The following KCNAB1 variants were observed in gnomAD, a reference collection of about 807,000 sequenced individuals.
The protein encoded by KCNAB1 is potassium voltage-gated channel subfamily A regulatory beta subunit 1.
In KCNAB1, 35 loss-of-function variants were observed where a neutral mutation model predicts 64.6. That is an observed-to-expected ratio of 0.54 (90% confidence interval 0.41 to 0.72). The LOEUF (loss-of-function observed/expected upper bound fraction) is 0.72. Ranked by LOEUF, KCNAB1 falls within the 30% of genes least tolerant of loss-of-function variation. The pLI, the probability that KCNAB1 is intolerant of heterozygous loss-of-function variation, is 0.00. For synonymous variants in KCNAB1, 177 were observed against 183.8 expected (o/e 0.96, Z 0.30); for missense variants, 401 against 512.9 (o/e 0.78, Z 2.11).
At chr3:156,391,677 G>A (rs1342319738) in intron 1 of KCNAB1, among the ~76,000 whole-genome samples, 1 of 152,160 alleles carries the variant, frequency 6.6e-6, no homozygotes, top group East Asian at 1.9e-4. Flanking sequence ...AAAATAAAAC[G>A]AAGTAGAAAG....
At chr3:156,168,315 T>A (rs1711738091) in intron 1 of KCNAB1, among the ~76,000 whole-genome samples, 1 of 152,144 alleles carries the variant, frequency 6.6e-6, no homozygotes, top group Non-Finnish European at 1.5e-5. Context: ...AATTGTATGG[T>A]ACACCAGTAA....
chr3:156,132,778 C>T (rs1197878115), intron 1 of KCNAB1, among the ~76,000 whole-genome samples: 1 of 152,150 alleles, frequency 6.6e-6, no homozygotes, highest in Non-Finnish European at 1.5e-5. Flanking sequence ...AATGTACCTC[C>T]AGGATTCATA....
intron 1 of KCNAB1, among the ~76,000 whole-genome samples, chr3:156,222,093 T>C (rs1240304971): frequency 6.6e-6 from 1 of 152,128 alleles, no homozygotes; most frequent in African/African-American, 2.4e-5. Flanking sequence ...CAACATTGAA[T>C]GTAAATGGCC....
intron 3 of KCNAB1, among the ~76,000 whole-genome samples, chr3:156,454,515 A>T (rs1195360998): frequency 2.6e-5 from 4 of 152,212 alleles, no homozygotes; most frequent in Non-Finnish European, 5.9e-5. Context: ...TGATGGCAGC[A>T]TTCCTAGCAG....
intron 11 of KCNAB1, among the ~76,000 whole-genome samples, chr3:156,520,745 C>T (rs558223548): frequency 6.6e-6 from 1 of 152,290 alleles, no homozygotes; most frequent in South Asian, 2.1e-4. Context: ...GGCAAGTTTT[C>T]GGCTCTAGCA....
intron 2 of KCNAB1, among the ~76,000 whole-genome samples, chr3:156,424,563 A>G (rs1160588983): frequency 2.6e-5 from 4 of 152,112 alleles, no homozygotes; most frequent in Admixed American, 2.6e-4. Context: ...ATTGAAAGGA[A>G]CTACCTATTA....
chr3:156,415,404 C>A (rs1426568174), intron 1 of KCNAB1, among the ~76,000 whole-genome samples: 1 of 152,176 alleles, frequency 6.6e-6, no homozygotes, highest in Admixed American at 6.5e-5. Context: ...AGCCAAGCAA[C>A]CTGCCCAAGG....
chr3:156,171,308 A>G (rs1212401323), intron 1 of KCNAB1, among the ~76,000 whole-genome samples: 3 of 152,078 alleles, frequency 2.0e-5, no homozygotes, highest in Non-Finnish European at 4.4e-5. Flanking sequence ...AATAGTCTAT[A>G]TTGGTTTCTC....
intron 1 of KCNAB1, among the ~76,000 whole-genome samples, chr3:156,126,586 AG>A (rs1276003464): frequency 1.3e-5 from 2 of 152,100 alleles, no homozygotes; most frequent in Non-Finnish European, 2.9e-5. Flanking sequence ...GTGATGAAAA[AG>A]CTCTGGAGTC....
chr3:156,126,855 A>G (rs1713687512), intron 1 of KCNAB1, among the ~76,000 whole-genome samples: 1 of 152,272 alleles, frequency 6.6e-6, no homozygotes, highest in Admixed American at 6.5e-5. Flanking sequence ...TAGCTCACAG[A>G]ACAGCAGTGG....
intron 1 of KCNAB1, among the ~76,000 whole-genome samples, chr3:156,311,746 T>C (rs1280864902): frequency 6.6e-6 from 1 of 152,156 alleles, no homozygotes; most frequent in Non-Finnish European, 1.5e-5. Flanking sequence ...AAGGTGCTCC[T>C]TAGGAAGTTA....
chr3:156,332,737 C>G (rs1466850372), intron 1 of KCNAB1, among the ~76,000 whole-genome samples: 1 of 152,036 alleles, frequency 6.6e-6, no homozygotes, highest in East Asian at 1.9e-4. Flanking sequence ...TGATACAAAC[C>G]CATTGGGTAA....
chr3:156,226,222 T>C (rs1408226142), intron 1 of KCNAB1, among the ~76,000 whole-genome samples: 5 of 152,160 alleles, frequency 3.3e-5, no homozygotes, highest in Admixed American at 2.6e-4. Context: ...AATTGGCACA[T>C]AGACCAGTGG....
intron 1 of KCNAB1, among the ~76,000 whole-genome samples, chr3:156,126,968 C>T (rs933222987): frequency 1.3e-5 from 2 of 152,272 alleles, no homozygotes; most frequent in East Asian, 1.9e-4. Flanking sequence ...TTGGAGATGC[C>T]AAAAGTAGGG....
At chr3:156,231,424 C>T (rs1716514424) in intron 1 of KCNAB1, among the ~76,000 whole-genome samples, 1 of 151,992 alleles carries the variant, frequency 6.6e-6, no homozygotes, top group Non-Finnish European at 1.5e-5. Context: ...AATTGCCCTA[C>T]AAAATCTCTT....
chr3:156,209,727 G>A (rs1560137642), intron 1 of KCNAB1, among the ~76,000 whole-genome samples: 1 of 152,196 alleles, frequency 6.6e-6, no homozygotes, highest in Non-Finnish European at 1.5e-5. Context: ...TGACAAACAT[G>A]CTCAATATTG....
chr3:156,224,213 G>A (rs375775026), intron 1 of KCNAB1, among the ~76,000 whole-genome samples: 25 of 152,226 alleles, frequency 1.6e-4, no homozygotes, highest in Middle Eastern at 3.2e-3. Flanking sequence ...CCAGCCGGCC[G>A]CTCTGAGTGC....
At chr3:156,500,889 A>G (rs778538534) in intron 8 of KCNAB1, among the ~76,000 whole-genome samples, 2 of 152,220 alleles carry the variant, frequency 1.3e-5, no homozygotes, top group Admixed American at 1.3e-4. Flanking sequence ...GGTCAAAACT[A>G]TCTTGACCAC....
At chr3:156,383,816 A>G (rs1270847799) in intron 1 of KCNAB1, among the ~76,000 whole-genome samples, 1 of 152,204 alleles carries the variant, frequency 6.6e-6, no homozygotes, top group Non-Finnish European at 1.5e-5. Context: ...ATCGGCAGAG[A>G]TGGGTGGTTT....
Sources: gnomAD v4.1 joint callset for allele counts (sites outside exome capture counted in the v4.1 genomes callset) on GRCh38, gnomAD v4.1.1 for gene constraint, MANE v1.5 for transcripts, NCBI Gene and HGNC (gene_info 2026-07-23, HGNC 2026-07-21) for gene names.